Variants in SORCS1 observed in about 807,000 individuals in gnomAD.
SORCS1 encodes sortilin related VPS10 domain containing receptor 1.
SORCS1 carries 60 observed loss-of-function variants against 146.1 expected under a neutral mutation model. The ratio of observed to expected loss-of-function variants is 0.41; its 90% CI spans 0.33 to 0.51. The LOEUF (loss-of-function observed/expected upper bound fraction) is 0.51. Ranked by LOEUF, SORCS1 falls within the 20% of genes least tolerant of loss-of-function variation. SORCS1 has a pLI of 0.21. For synonymous variants in SORCS1, 637 were observed against 584.0 expected, an observed-to-expected ratio of 1.09 and a Z score of -1.31; for missense variants, 1,352 against 1,487.6, an observed-to-expected ratio of 0.91 and a Z score of 1.50.
rs928684020 is a variant in SORCS1, at chr10:107,008,780, G to A, written c.559-52200C>T. 7.2e-5 allele frequency among the ~76,000 whole-genome samples: 11 copies of A among 152,080 alleles called. No individual in the cohort carries two copies. The South Asian group carries it at 1.2e-3, about 17-fold the overall frequency. ...TGGGAGGCCGAGGCGGGTGGATCACGAGGTCAAGAGATCGAGATCATCCTG... is the reference window on the plus strand; with the variant it reads ...TGGGAGGCCGAGGCGGGTGGATCACAAGGTCAAGAGATCGAGATCATCCTG... On this transcript the variant is annotated intron_variant, in intron 1 of 25. Coordinates refer to ENST00000263054, the MANE Select transcript of SORCS1 (RefSeq NM_052918.5).
intron 1 of SORCS1, among the ~76,000 whole-genome samples, chr10:107,110,950 G>T (rs1965654094): frequency 6.6e-6 from 1 of 152,098 alleles, no homozygotes; most frequent in Non-Finnish European, 1.5e-5. Flanking sequence ...ATGCCTACCA[G>T]AGACACTGGT....
intron 4 of SORCS1, among the ~76,000 whole-genome samples, chr10:106,765,829 C>T (rs1303411851): frequency 6.6e-6 from 1 of 151,778 alleles, no homozygotes; most frequent in African/African-American, 2.4e-5. Flanking sequence ...TTGTCAGTGT[C>T]CCTAGAAAGT....
intron 13 of SORCS1, among the ~76,000 whole-genome samples, chr10:106,675,529 A>C (rs1364165163): frequency 1.3e-5 from 2 of 152,288 alleles, no homozygotes; most frequent in South Asian, 4.1e-4. Flanking sequence ...AAGAGCGATG[A>C]CCTTGTAAGA....
intron 6 of SORCS1, among the ~76,000 whole-genome samples, chr10:106,718,644 C>G (rs1589729602): frequency 6.6e-6 from 1 of 152,244 alleles, no homozygotes; most frequent in East Asian, 1.9e-4. Context: ...GTTGCCACTG[C>G]TGGCTGGGGT....
intron 1 of SORCS1, among the ~76,000 whole-genome samples, chr10:107,081,591 TA>T (rs2134241947): frequency 6.6e-6 from 1 of 152,344 alleles, no homozygotes; most frequent in Admixed American, 6.5e-5. Context: ...AAAAAGCTAC[TA>T]ATAGTTCATG....
At chr10:106,986,906 T>C (rs73376448) in intron 1 of SORCS1, among the ~76,000 whole-genome samples, 7,489 of 152,272 alleles carry the variant, frequency 0.049, 606 homozygotes, top group African/African-American at 0.17. Context: ...TTTGCAATAG[T>C]TGCTTTAAGT....
At chr10:107,027,011 GGTATATGT>G (rs1268021409) in intron 1 of SORCS1, among the ~76,000 whole-genome samples, 1 of 137,384 alleles carries the variant, frequency 7.3e-6, no homozygotes, top group Non-Finnish European at 1.5e-5. Flanking sequence ...GACTATCAGG[GGTATATGT>G]GTATATATAT....
chr10:106,806,193 C>A (rs185187594), intron 3 of SORCS1, among the ~76,000 whole-genome samples: 1 of 150,870 alleles, frequency 6.6e-6, no homozygotes, highest in South Asian at 2.1e-4. Context: ...CATGGTGAAA[C>A]CCCGTCTCTA....
intron 18 of SORCS1, among the ~76,000 whole-genome samples, chr10:106,648,755 C>T (rs1317218234): frequency 1.3e-5 from 2 of 152,114 alleles, no homozygotes; most frequent in African/African-American, 4.8e-5. Flanking sequence ...CTGGCTAGGG[C>T]TCCACCCCTG....
At chr10:107,023,539 TTA>T (rs1465937479) in intron 1 of SORCS1, among the ~76,000 whole-genome samples, 3 of 152,172 alleles carry the variant, frequency 2.0e-5, no homozygotes, top group African/African-American at 7.2e-5. Flanking sequence ...ATAAGAATTT[TTA>T]TAGTCTTAGA....
chr10:106,778,073 G>A (rs956605666), intron 3 of SORCS1, among the ~76,000 whole-genome samples: 3 of 152,118 alleles, frequency 2.0e-5, no homozygotes, highest in African/African-American at 7.2e-5. Flanking sequence ...GCATTTGGAG[G>A]CAATCATATT....
chr10:107,037,877 A>T (rs1187107637), intron 1 of SORCS1, among the ~76,000 whole-genome samples: 1 of 152,024 alleles, frequency 6.6e-6, no homozygotes, highest in Non-Finnish European at 1.5e-5. Context: ...CCAAGGCTGG[A>T]GTGTAGTGGT....
At chr10:106,600,866 A>G in intron 23 of SORCS1, 1 of 239,526 alleles carries the variant, frequency 4.2e-6, no homozygotes, top group Non-Finnish European at 6.8e-6. Flanking sequence ...AGCAGAAGAG[A>G]GTTGGAGAGA....
At chr10:106,878,620 GTATATATATATATATATA>G (rs3982430) in intron 2 of SORCS1, among the ~76,000 whole-genome samples, 1 of 84,950 alleles carries the variant, frequency 1.2e-5, no homozygotes, top group Non-Finnish European at 2.4e-5. Context: ...AAACTACCTA[GTATATATATATATATATA>G]TATATATATA....
intron 1 of SORCS1, among the ~76,000 whole-genome samples, chr10:106,961,925 C>G (rs1372985276): frequency 6.6e-6 from 1 of 152,222 alleles, no homozygotes; most frequent in East Asian, 1.9e-4. Flanking sequence ...CTTAACAAAC[C>G]TGCTTTCTTC....
At chr10:106,587,580 C>T (rs1483543250) in intron 24 of SORCS1, among the ~76,000 whole-genome samples, 1 of 152,236 alleles carries the variant, frequency 6.6e-6, no homozygotes, top group African/African-American at 2.4e-5. Flanking sequence ...CAAATTTACT[C>T]ATAACACATC....
At chr10:106,933,191 G>A (rs570590515) in intron 2 of SORCS1, among the ~76,000 whole-genome samples, 9 of 152,288 alleles carry the variant, frequency 5.9e-5, no homozygotes, top group Middle Eastern at 3.4e-3. Flanking sequence ...CAACACTAAT[G>A]AGCAGCTCAG....
the SORCS1 span, among the ~76,000 whole-genome samples, chr10:107,175,514 T>A: frequency 6.6e-6 from 1 of 152,284 alleles, no homozygotes; most frequent in Non-Finnish European, 1.5e-5. Context: ...CTTGGCTCAC[T>A]GCAACCTCTG....
chr10:106,947,588 A>G (rs976316993), intron 2 of SORCS1, among the ~76,000 whole-genome samples: 1 of 152,202 alleles, frequency 6.6e-6, no homozygotes, highest in Admixed American at 6.5e-5. Context: ...TCACGCCTGT[A>G]ATCCCAGCAC....
Sources: gnomAD v4.1 joint callset for allele counts (sites outside exome capture counted in the v4.1 genomes callset) on GRCh38, gnomAD v4.1.1 for gene constraint, MANE v1.5 for transcripts, NCBI Gene and HGNC (gene_info 2026-07-23, HGNC 2026-07-21) for gene names.